Variants in ODAD2 observed in about 807,000 individuals in gnomAD.
The protein encoded by ODAD2 is outer dynein arm-docking complex subunit 2.
A neutral mutation model predicts 106.8 loss-of-function variants in ODAD2; 89 were observed. The observed-to-expected ratio is 0.83, with a 90% CI of 0.70 to 0.99. The LOEUF (loss-of-function observed/expected upper bound fraction) is 0.99, where lower values mean the gene tolerates loss of function less well. Ranked by LOEUF, ODAD2 falls within the 50% of genes least tolerant of loss-of-function variation. The pLI is 0.00. For missense variants in ODAD2, 1,168 were observed against 1,238.5 expected (o/e 0.94, Z 0.85); for synonymous variants, 404 against 436.2 (o/e 0.93, Z 0.92).
chr10:27,834,494 G>A (rs1408215674), intron 19 of ODAD2, among the ~76,000 whole-genome samples: 1 of 152,116 alleles, frequency 6.6e-6, no homozygotes. Flanking sequence ...AAGCTGAGAA[G>A]CATCTTCTCT....
intron 17 of ODAD2, among the ~76,000 whole-genome samples, chr10:27,896,863 A>G (rs1477128692): frequency 6.6e-6 from 1 of 152,028 alleles, no homozygotes; most frequent in Non-Finnish European, 1.5e-5. Flanking sequence ...ATTTCATACT[A>G]GCCTCCTTCT....
chr10:27,951,393 G>A (rs1444269169), intron 10 of ODAD2, among the ~76,000 whole-genome samples: 1 of 149,682 alleles, frequency 6.7e-6, no homozygotes, highest in Non-Finnish European at 1.5e-5. Flanking sequence ...CATGTAACTA[G>A]CATGGGAACA....
At chr10:27,877,894 G>C (rs1018562297) in intron 17 of ODAD2, among the ~76,000 whole-genome samples, 3 of 152,056 alleles carry the variant, frequency 2.0e-5, no homozygotes, top group Non-Finnish European at 4.4e-5. Flanking sequence ...TGTCTTAAGG[G>C]GGCATGAAAT....
chr10:27,860,177 C>A (rs1395623637), intron 19 of ODAD2, among the ~76,000 whole-genome samples: 1 of 152,174 alleles, frequency 6.6e-6, no homozygotes, highest in Non-Finnish European at 1.5e-5. Context: ...ACTGGCTGGG[C>A]ATTGTGACTC....
intron 16 of ODAD2, among the ~76,000 whole-genome samples, chr10:27,912,296 A>G (rs1844065205): frequency 6.6e-6 from 1 of 152,182 alleles, no homozygotes; most frequent in Non-Finnish European, 1.5e-5. Context: ...TAAAAACAAA[A>G]CTGAATTACA....
intron 10 of ODAD2, among the ~76,000 whole-genome samples, chr10:27,959,192 AGGAGGGGAGGGGAGGGGAGG>A (rs1209178121): frequency 5.9e-5 from 1 of 17,014 alleles, no homozygotes; most frequent in Non-Finnish European, 1.0e-4. Flanking sequence ...GGGAGTGGAG[AGGAGGGGAGGGGAGGGGAGG>A]GGAGGGGAGG....
intron 10 of ODAD2, among the ~76,000 whole-genome samples, chr10:27,955,667 C>T (rs189754341): frequency 5.3e-5 from 8 of 150,868 alleles, no homozygotes; most frequent in African/African-American, 1.9e-4. Flanking sequence ...CTTCCAATTA[C>T]CACTCGAAAG....
intron 10 of ODAD2, among the ~76,000 whole-genome samples, chr10:27,950,061 T>C (rs954520555): frequency 1.3e-5 from 2 of 152,092 alleles, no homozygotes; most frequent in African/African-American, 4.8e-5. Context: ...CCACACAGCT[T>C]CTCCATCTGC....
At position 27,983,892 on chromosome 10, in the gene ODAD2, C is replaced by T; in HGVS notation, c.770G>A (p.Gly257Asp). The T allele has an allele frequency of 6.2e-7, 1 of 1,612,604 alleles. No homozygotes were observed. The highest frequency in any genetic ancestry group is 8.5e-7 in the Non-Finnish European group (1 of 1,179,658). ...ACTGCAAGTAATGCACAGAGTCTCA[C>T]CATCGTGAGGTTTCACCAGCACATA... ...ICYVLVKPHD[G>D]ETLCITCSAG... Residue 257 changes from glycine to aspartate, a missense_variant, in exon 6 of 20, where the codon GGT becomes GAT. By Grantham distance (94) the Gly-to-Asp change is moderately conservative. Around this residue, in one of 3 missense-constraint regions of ODAD2, gnomAD observed 430 missense variants for 452.2 expected, o/e 0.95. Coordinates refer to ENST00000305242, the MANE Select transcript of ODAD2 (RefSeq NM_018076.5).
intron 17 of ODAD2, among the ~76,000 whole-genome samples, chr10:27,901,841 T>C (rs1408236151): frequency 6.6e-6 from 1 of 152,124 alleles, no homozygotes; most frequent in Non-Finnish European, 1.5e-5. Flanking sequence ...AAGAGACTTA[T>C]ACTCCAACAT....
At chr10:27,960,322 T>C (rs1300304017) in intron 10 of ODAD2, among the ~76,000 whole-genome samples, 22 of 99,160 alleles carry the variant, frequency 2.2e-4, no homozygotes, top group African/African-American at 9.8e-4. Flanking sequence ...TCATTATTAT[T>C]ATTATTATTA....
rs147776910 is a variant in ODAD2, at chr10:27,875,554, G to T, written c.2611-12932C>A. 7.9e-3 allele frequency among the ~76,000 whole-genome samples: 1,199 copies of T among 152,244 alleles called. 13 individuals are homozygous for T. The highest frequency in any genetic ancestry group is 0.027 in the African/African-American group (1,142 of 41,534). On this transcript the variant is annotated intron_variant, in intron 17 of 19. Transcript: ENST00000305242. ...TTTGGTGTGGATGTCCTTTCTGTTTGTTAGTTTTGGTGGTTCCAAGATGGC... is the reference window on the plus strand; with the variant it reads ...TTTGGTGTGGATGTCCTTTCTGTTTTTTAGTTTTGGTGGTTCCAAGATGGC...
At chr10:27,931,191 A>T (rs1845594453) in intron 16 of ODAD2, among the ~76,000 whole-genome samples, 1 of 152,192 alleles carries the variant, frequency 6.6e-6, no homozygotes, top group African/African-American at 2.4e-5. Flanking sequence ...TTTGGGGGGA[A>T]ATCTTGAGAT....
At chr10:27,898,363 AAC>A (rs1269272875) in intron 17 of ODAD2, among the ~76,000 whole-genome samples, 4 of 152,184 alleles carry the variant, frequency 2.6e-5, no homozygotes, top group Non-Finnish European at 2.9e-5. Flanking sequence ...AATTTTTAAT[AAC>A]AGTTTATGTG....
intron 16 of ODAD2, among the ~76,000 whole-genome samples, chr10:27,910,497 T>C (rs1009947148): frequency 6.6e-6 from 1 of 152,182 alleles, no homozygotes; most frequent in Non-Finnish European, 1.5e-5. Flanking sequence ...GGCTCACGCC[T>C]GTAATCCTAA....
At position 27,961,700 on chromosome 10, in the gene ODAD2, C is replaced by T. The variant is rs777001301; in HGVS notation, c.1254G>A (p.Lys418=). 23 of 1,605,214 alleles carry T rather than the reference C, an allele frequency of 1.4e-5. No individual in the cohort carries two copies. Among genetic ancestry groups the T allele is most frequent in the Non-Finnish European group, 1.5e-5 (18 of 1,175,748 alleles). ...AGCTATCGCTAACAGTTTCCTCAAT[C>T]TTTTCAGCACTCTTCCTAAGAACAA... ...RAQLLRKSAE[K]IEETVSDSSS... is the part of the protein sequence containing the mutation. The change falls in exon 10 of 20, where the codon AAG becomes AAA. Residue 418 remains lysine (K), a synonymous_variant. Coordinates refer to ENST00000305242, the MANE Select transcript of ODAD2 (RefSeq NM_018076.5).
chr10:27,817,120 C>T (rs1040723476), intron 19 of ODAD2, among the ~76,000 whole-genome samples: 4 of 152,080 alleles, frequency 2.6e-5, no homozygotes, highest in African/African-American at 9.7e-5. Flanking sequence ...TCTCATTCTC[C>T]CTCTCTCACT....
At position 27,940,805 on chromosome 10, in the gene ODAD2, C is replaced by G. The variant is rs759102004; in HGVS notation, c.1744G>C (p.Val582Leu). The change falls in exon 13 of 20, where the codon GTT (valine) becomes CTT (leucine). Residue 582 changes from valine to leucine, a missense_variant and splice_region_variant. Coordinates refer to ENST00000305242, the MANE Select transcript of ODAD2 (RefSeq NM_018076.5). ...TCATGTGCACAGTCTAGTAGAGCAA[C>G]CTATAATAATAGATAAATCCAATGT... Reference protein sequence around the residue: ...VRQHGGITKLVALLDCAHDST... With the variant: ...VRQHGGITKLLALLDCAHDST... 1 of 1,611,940 alleles carries G rather than the reference C, an allele frequency of 6.2e-7. No individual in the cohort carries two copies. Among genetic ancestry groups the G allele is most frequent in the Non-Finnish European group, 8.5e-7 (1 of 1,178,708 alleles).
At chr10:27,982,086 GTC>G (rs1019675852) in intron 6 of ODAD2, among the ~76,000 whole-genome samples, 4 of 151,970 alleles carry the variant, frequency 2.6e-5, no homozygotes, top group South Asian at 4.2e-4. Flanking sequence ...ACACCCATGT[GTC>G]TCTCTCTCTC....
Sources: allele counts gnomAD v4.1 joint callset (sites outside exome capture counted in the v4.1 genomes callset), GRCh38; gene constraint gnomAD v4.1.1; regional missense constraint gnomAD v4.1.1; transcripts MANE v1.5; gene names NCBI Gene and HGNC (gene_info 2026-07-23, HGNC 2026-07-21).